Variants in ZBBX observed in about 807,000 individuals in gnomAD.
ZBBX encodes the protein zinc finger B-box domain containing.
In ZBBX, 101 loss-of-function variants were observed where a neutral mutation model predicts 108.5. The observed-to-expected ratio is 0.93, with a 90% CI of 0.79 to 1.10. The LOEUF (loss-of-function observed/expected upper bound fraction) is 1.10. Ranked by LOEUF, ZBBX falls within the 50% of genes least tolerant of loss-of-function variation. The pLI, the probability that ZBBX is intolerant of heterozygous loss-of-function variation, is 0.00. For synonymous variants in ZBBX, 356 were observed against 323.4 expected, an observed-to-expected ratio of 1.10 and a Z score of -1.08; for missense variants, 1,009 against 941.4, an observed-to-expected ratio of 1.07 and a Z score of -0.94.
intron 16 of ZBBX, among the ~76,000 whole-genome samples, chr3:167,308,338 G>A (rs776473160): frequency 2.6e-5 from 4 of 152,166 alleles, no homozygotes; most frequent in Non-Finnish European, 5.9e-5. Context: ...TGCAGAGAAA[G>A]GAACACTTAT....
chr3:167,365,858 G>A, intron 6 of ZBBX, 28 bp downstream of exon 6: 3 of 1,512,558 alleles, frequency 2.0e-6, no homozygotes, highest in African/African-American at 1.4e-5. Flanking sequence ...TTAGCAAAAT[G>A]CATAAGAATC....
chr3:167,236,220 C>A (rs901867064), downstream of ZBBX, among the ~76,000 whole-genome samples: 1 of 151,668 alleles, frequency 6.6e-6, no homozygotes, highest in African/African-American at 2.4e-5. Flanking sequence ...ATATATCTAG[C>A]TTTTAACATA....
At chr3:167,216,641 CA>C in the ZBBX span, among the ~76,000 whole-genome samples, 2,038 of 151,554 alleles carry the variant, frequency 0.013, 22 homozygotes, top group South Asian at 0.027. Context: ...TTATATGGAA[CA>C]AAAAAAAGAG....
At chr3:167,405,519 A>G (rs1748554493) in intron 1 of ZBBX, among the ~76,000 whole-genome samples, 2 of 152,104 alleles carry the variant, frequency 1.3e-5, no homozygotes, top group Admixed American at 1.3e-4. Context: ...ACAAAAAGTT[A>G]CTCCTGACTC....
At chr3:167,361,407 A>G (rs1744480863) in intron 6 of ZBBX, among the ~76,000 whole-genome samples, 1 of 152,184 alleles carries the variant, frequency 6.6e-6, no homozygotes, top group South Asian at 2.1e-4. Context: ...CATTTAAAGT[A>G]CACAAACGAG....
At chr3:167,297,865 C>G (rs1359081039) in intron 18 of ZBBX, among the ~76,000 whole-genome samples, 1 of 151,796 alleles carries the variant, frequency 6.6e-6, no homozygotes, top group Non-Finnish European at 1.5e-5. Flanking sequence ...GATGACTATT[C>G]TCCCCCCGAC....
At chr3:167,283,428 TATAAG>T (rs1325915759) in intron 19 of ZBBX, among the ~76,000 whole-genome samples, 2 of 152,180 alleles carry the variant, frequency 1.3e-5, no homozygotes, top group Non-Finnish European at 2.9e-5. Context: ...ATAATTATAT[TATAAG>T]ATAACTTTGC....
chr3:167,244,321 G>A (rs1304794625), intron 20 of ZBBX, among the ~76,000 whole-genome samples: 1 of 152,102 alleles, frequency 6.6e-6, no homozygotes, highest in Non-Finnish European at 1.5e-5. Flanking sequence ...CTAATGAAAG[G>A]GAATGCTCCC....
chr3:167,338,677 T>C (rs1471048114), intron 9 of ZBBX, among the ~76,000 whole-genome samples: 2 of 152,142 alleles, frequency 1.3e-5, no homozygotes, highest in African/African-American at 4.8e-5. Flanking sequence ...AGAGATTTAT[T>C]GTAACCACAG....
chr3:167,314,237 A>G, intron 15 of ZBBX, 121 bp from the exon 16 acceptor site: 1 of 721,262 alleles, frequency 1.4e-6, no homozygotes. Context: ...TATTTACATT[A>G]ATTTAATATT....
At chr3:167,364,981 A>G (rs1268585185) in intron 6 of ZBBX, among the ~76,000 whole-genome samples, 1 of 151,536 alleles carries the variant, frequency 6.6e-6, no homozygotes, top group African/African-American at 2.4e-5. Context: ...ATTTTTCTTT[A>G]TATATGTTTT....
At chr3:167,337,831 AATAGATAACTATAC>A (rs1157652341) in intron 9 of ZBBX, among the ~76,000 whole-genome samples, 2 of 152,180 alleles carry the variant, frequency 1.3e-5, no homozygotes, top group Admixed American at 6.5e-5. Context: ...AAATATTTAA[AATAGATAACTATAC>A]ATATTAAGTA....
chr3:167,222,082 T>C, the ZBBX span, among the ~76,000 whole-genome samples: 1 of 151,980 alleles, frequency 6.6e-6, no homozygotes, highest in Admixed American at 6.6e-5. Flanking sequence ...GAAATCAGTA[T>C]ATTCAAGAGA....
intron 20 of ZBBX, among the ~76,000 whole-genome samples, chr3:167,272,284 A>G (rs985966349): frequency 6.6e-6 from 1 of 152,168 alleles, no homozygotes; most frequent in Admixed American, 6.5e-5. Flanking sequence ...CAGGAATTAC[A>G]TATTTGGTCT....
chr3:167,227,353 C>A, the ZBBX span, among the ~76,000 whole-genome samples: 2 of 151,630 alleles, frequency 1.3e-5, no homozygotes, highest in African/African-American at 4.8e-5. Flanking sequence ...TTACCTAATT[C>A]TGAATAAGAG....
chr3:167,354,553 G>T (rs2108512805), intron 8 of ZBBX, among the ~76,000 whole-genome samples: 1 of 151,832 alleles, frequency 6.6e-6, no homozygotes, highest in East Asian at 1.9e-4. Flanking sequence ...CTTGTTTCAT[G>T]AGCTTCATTC....
chr3:167,208,769 G>T, the ZBBX span, among the ~76,000 whole-genome samples: 2 of 152,172 alleles, frequency 1.3e-5, no homozygotes, highest in East Asian at 1.9e-4. Flanking sequence ...GTCTCCTTCT[G>T]CCTGGTAAAA....
intron 16 of ZBBX, among the ~76,000 whole-genome samples, chr3:167,307,299 AG>A (rs1733820636): frequency 6.6e-6 from 1 of 152,166 alleles, no homozygotes; most frequent in East Asian, 1.9e-4. Context: ...AAAGAAATAA[AG>A]GGCATCCAAA....
the ZBBX span, among the ~76,000 whole-genome samples, chr3:167,179,206 G>A: frequency 1.9e-4 from 29 of 152,328 alleles, no homozygotes; most frequent in Admixed American, 1.8e-3. Flanking sequence ...GAACATGGGT[G>A]ACACCCATTT....
Sources: allele counts gnomAD v4.1 joint callset (sites outside exome capture counted in the v4.1 genomes callset), GRCh38; gene constraint gnomAD v4.1.1; transcripts MANE v1.5; gene names NCBI Gene and HGNC (gene_info 2026-07-23, HGNC 2026-07-21).